TMEM260: variants seen among roughly 807,000 people sequenced by gnomAD.
TMEM260 encodes the protein transmembrane protein 260.
A neutral mutation model predicts 88.9 loss-of-function variants in TMEM260; 82 were observed. That is an observed-to-expected ratio of 0.92 (90% CI 0.77 to 1.11). The LOEUF (loss-of-function observed/expected upper bound fraction) is 1.11. Among genes scored for constraint, TMEM260 ranks in the 50% least tolerant of loss-of-function variants. The pLI, the probability that TMEM260 is intolerant of heterozygous loss-of-function variation, is 0.00. For missense variants in TMEM260, 902 were observed against 853.4 expected (o/e 1.06, Z -0.71); for synonymous variants, 314 against 309.3 (o/e 1.02, Z -0.16).
rs758688085 is a variant in TMEM260, at chr14:56,636,497, C to T, written c.1779-11C>T. On this transcript the variant is annotated splice_polypyrimidine_tract_variant and intron_variant, in intron 14 of 15. Transcript: ENST00000261556. Reference sequence around the variant, plus strand: ...TATGATTTTAATGAAGGTTCCTATCCCCACCCCCAGGATGAAAACACCGTT... The same window carrying T: ...TATGATTTTAATGAAGGTTCCTATCTCCACCCCCAGGATGAAAACACCGTT... 1 of 1,612,892 alleles carries T rather than the reference C, an allele frequency of 6.2e-7. No homozygotes were observed.
rs528432311 is a variant in TMEM260 at position 56,648,817 on chromosome 14, G to C, written c.*1320G>C. The C allele has an allele frequency of 6.6e-6, 1 of 152,578 alleles. No homozygotes were observed. Among genetic ancestry groups the C allele is most frequent in the Non-Finnish European group, 1.5e-5 (1 of 68,036 alleles). The allele number at this position is 152,578 out of a possible 1,614,324, so 9.5% of individuals were successfully genotyped here. A position where few individuals can be genotyped will look rare whatever the true frequency, so the allele number is the denominator to read the frequency against. ...TCATAAGCTGTTAAGGACCAGTGCCGAGGGCTTTTGAGTGAAATGCCAGTC... is the reference window on the plus strand; with the variant it reads ...TCATAAGCTGTTAAGGACCAGTGCCCAGGGCTTTTGAGTGAAATGCCAGTC... On this transcript the variant is annotated 3_prime_UTR_variant, in exon 16 of 16. Transcript: ENST00000261556.
chr14:56,639,984 G>A (rs527663703), intron 15 of TMEM260, among the ~76,000 whole-genome samples: 4 of 152,316 alleles, frequency 2.6e-5, no homozygotes, highest in East Asian at 1.9e-4. Flanking sequence ...AAAGCAGCTG[G>A]GAAGCTCGAA....
intron 4 of TMEM260, 56 bp downstream of exon 4, chr14:56,604,048 T>G (rs1886740872): frequency 1.3e-6 from 2 of 1,485,238 alleles, no homozygotes; most frequent in Non-Finnish European, 1.8e-6. Context: ...TAGACAGATG[T>G]ATTTCTTTTT....
In TMEM260 at chr14:56,609,206, G is replaced by C. The variant is rs564881081; in HGVS notation, c.737G>C (p.Arg246Pro). Residue 246 changes from arginine to proline, a missense_variant, in exon 6 of 16, where the codon CGG (arginine) becomes CCG (proline). By Grantham distance (103) the Arg-to-Pro change is moderately radical (BLOSUM62 -2). Transcript: ENST00000261556. ...LPISSYLNHARWTWGDQTTLQ... is the reference protein window; with the variant it reads ...LPISSYLNHAPWTWGDQTTLQ... ...ATCTCATCTTACCTTAATCACGCCCGGTGGACCTGGGGAGACCAGACAACA... is the reference window on the plus strand; with the variant it reads ...ATCTCATCTTACCTTAATCACGCCCCGTGGACCTGGGGAGACCAGACAACA... 6.2e-7 allele frequency: 1 copy of C among 1,613,994 alleles called. No homozygotes were observed. Among genetic ancestry groups the C allele is most frequent in the African/African-American group, 1.3e-5 (1 of 74,998 alleles).
intron 12 of TMEM260, among the ~76,000 whole-genome samples, chr14:56,627,880 A>C (rs941587132): frequency 2.0e-5 from 3 of 152,164 alleles, no homozygotes; most frequent in Non-Finnish European, 4.4e-5. Context: ...TGATTCCATA[A>C]ATTTTCTTGT....
intron 5 of TMEM260, among the ~76,000 whole-genome samples, chr14:56,607,348 G>A (rs935129189): frequency 6.6e-6 from 1 of 152,198 alleles, no homozygotes; most frequent in African/African-American, 2.4e-5. Context: ...AGGATTCAGA[G>A]TTGATAATTT....
At chr14:56,659,405 A>G in the TMEM260 span, among the ~76,000 whole-genome samples, 2 of 152,178 alleles carry the variant, frequency 1.3e-5, no homozygotes, top group South Asian at 4.1e-4. Flanking sequence ...CCAATGATCA[A>G]AGAGACACAA....
rs148724049 is a variant in TMEM260 at position 56,624,665 on chromosome 14, C to T, written c.1399-717C>T. 1.5e-4 allele frequency among the ~76,000 whole-genome samples: 23 copies of T among 152,220 alleles called. No individual in the cohort carries two copies. The East Asian group carries it at 4.4e-3, about 29-fold the overall frequency. On this transcript the variant is annotated intron_variant, in intron 11 of 15. Transcript: ENST00000261556. The stretch of plus-strand genomic sequence containing the variant: ...AAATACAGTGCCTTTTTTCTAGGAG[C>T]TCACAGTCTGGTGAGGAACAGGCTC...
downstream of TMEM260, among the ~76,000 whole-genome samples, chr14:56,653,742 A>AAAAAAAAACAAAAC (rs1890249489): frequency 1.5e-5 from 1 of 65,802 alleles, no homozygotes; most frequent in African/African-American, 3.4e-5. Flanking sequence ...TCTCCAAAAC[A>AAAAAAAAACAAAAC]AAAAAAAAAA....
intron 15 of TMEM260, among the ~76,000 whole-genome samples, chr14:56,637,007 C>T (rs72711230): frequency 0.031 from 4,690 of 152,184 alleles, 117 homozygotes; most frequent in East Asian, 0.099. Flanking sequence ...ATACATGATG[C>T]AGAAGCAGAG....
At chr14:56,660,924 C>T in the TMEM260 span, among the ~76,000 whole-genome samples, 1 of 152,350 alleles carries the variant, frequency 6.6e-6, no homozygotes, top group Admixed American at 6.5e-5. Flanking sequence ...AACACAGTCT[C>T]CTGCCTCAAA....
At chr14:56,609,622 A>C (rs759594123) in intron 6 of TMEM260, among the ~76,000 whole-genome samples, 23 of 152,296 alleles carry the variant, frequency 1.5e-4, no homozygotes, top group South Asian at 6.2e-4. Context: ...TTTGGAAAAG[A>C]TCGAAGGAAA....
At chr14:56,615,760 C>A in intron 7 of TMEM260, 184 bp from the exon 8 acceptor site, 1 of 538,646 alleles carries the variant, frequency 1.9e-6, no homozygotes, top group Admixed American at 3.2e-5. Context: ...TGGAAAACGT[C>A]TTGGAACTAT....
intron 11 of TMEM260, among the ~76,000 whole-genome samples, chr14:56,623,668 A>G (rs1888067733): frequency 1.3e-5 from 2 of 152,214 alleles, no homozygotes; most frequent in Admixed American, 6.5e-5. Context: ...TTGAGAACCA[A>G]ATGAGGAACA....
intron 12 of TMEM260, among the ~76,000 whole-genome samples, chr14:56,629,042 T>TG (rs1363942228): frequency 6.6e-6 from 1 of 151,842 alleles, no homozygotes; most frequent in African/African-American, 2.4e-5. Flanking sequence ...ATTACAGGCA[T>TG]GTGCCACCAA....
intron 15 of TMEM260, among the ~76,000 whole-genome samples, chr14:56,641,086 ACT>A (rs1285871978): frequency 6.6e-6 from 1 of 151,398 alleles, no homozygotes; most frequent in Non-Finnish European, 1.5e-5. Flanking sequence ...GTTGGAAAAC[ACT>A]CTGCAGGATA....
At position 56,625,587 on chromosome 14, in the gene TMEM260, T is replaced by G. The variant is rs916000894; in HGVS notation, c.1547+57T>G. ...AAAATCTTAAGCTTTTCTAAAATTGTTTCTGTAGCAGTTGTGCATCATCCA... is the reference window on the plus strand; with the variant it reads ...AAAATCTTAAGCTTTTCTAAAATTGGTTCTGTAGCAGTTGTGCATCATCCA... On this transcript the variant is annotated intron_variant, in intron 12 of 15. Coordinates refer to ENST00000261556, the MANE Select transcript of TMEM260 (RefSeq NM_017799.4). 1.2e-5 allele frequency: 18 copies of G among 1,448,538 alleles called. No homozygotes were observed. The East Asian group carries it at 1.4e-4, about 11-fold the overall frequency. The allele number at this position is 1,448,538 out of a possible 1,614,324, so 89.7% of individuals were successfully genotyped here. A position where few individuals can be genotyped will look rare whatever the true frequency, so the allele number is the denominator to read the frequency against.
intron 1 of TMEM260, 119 bp downstream of exon 1, chr14:56,580,193 C>G: frequency 1.3e-6 from 1 of 782,732 alleles, no homozygotes; most frequent in Non-Finnish European, 1.7e-6. Flanking sequence ...CTCCATCCAC[C>G]CCCCTGTGCA....
At chr14:56,630,972 G>C (rs529894677) in intron 12 of TMEM260, among the ~76,000 whole-genome samples, 1 of 152,082 alleles carries the variant, frequency 6.6e-6, no homozygotes, top group Non-Finnish European at 1.5e-5. Context: ...TGTTACTGGC[G>C]GCGAGTGTGT....
Sources: allele counts gnomAD v4.1 joint callset (sites outside exome capture counted in the v4.1 genomes callset), GRCh38; gene constraint gnomAD v4.1.1; transcripts MANE v1.5; gene names NCBI Gene and HGNC (gene_info 2026-07-23, HGNC 2026-07-21).